The following CAST variants were observed in gnomAD, a reference collection of about 807,000 sequenced individuals.
CAST encodes the protein MIR583 host.
In CAST, 76 loss-of-function variants were observed where a neutral mutation model predicts 119.6. The ratio of observed to expected loss-of-function variants is 0.64; its 90% CI spans 0.53 to 0.77. CAST has a LOEUF of 0.77. Ranked by LOEUF, CAST falls within the 30% of genes least tolerant of loss-of-function variation. CAST has a pLI of 0.00. For synonymous variants in CAST, 319 were observed against 331.6 expected (o/e 0.96, Z 0.41); for missense variants, 953 against 946.5 (o/e 1.01, Z -0.09).
At chr5:96,181,754 C>T in the CAST span, among the ~76,000 whole-genome samples, 22,780 of 152,092 alleles carry the variant, frequency 0.15, 2,137 homozygotes, top group East Asian at 0.31. Context: ...TTTAAGTGTA[C>T]TTTATATACA....
intron 2 of CAST, among the ~76,000 whole-genome samples, chr5:96,677,762 T>C (rs1428478586): frequency 6.6e-6 from 1 of 152,194 alleles, no homozygotes; most frequent in East Asian, 1.9e-4. Context: ...ATCATGGCTT[T>C]AGACAAAATA....
Position 96,726,841 on chromosome 5 carries a change from GA to G in CAST, c.324del (p.Lys108AsnfsTer7). ...QMEGPHLPNK[K>X]KHKKQAVKTE... Reference sequence around the variant, plus strand: ...TGGAAGGACCACATCTTCCTAACAAGAAAAAACACAAAAAACAGGTGATGTT... The same window carrying G: ...TGGAAGGACCACATCTTCCTAACAAGAAAAACACAAAAAACAGGTGATGTT... On this transcript the variant is annotated frameshift_variant, in exon 5 of 32. Transcript: ENST00000675179. LOFTEE classifies it high-confidence loss of function. The G allele has an allele frequency of 6.2e-7, 1 of 1,613,038 alleles. No individual in the cohort carries two copies. The highest frequency in any genetic ancestry group is 8.5e-7 in the Non-Finnish European group (1 of 1,179,362).
the CAST span, among the ~76,000 whole-genome samples, chr5:96,386,771 C>A: frequency 7.2e-5 from 11 of 152,186 alleles, no homozygotes; most frequent in Non-Finnish European, 1.5e-5. Context: ...TTGAGACCAG[C>A]CTGGCCAACA....
chr5:96,205,869 T>G, the CAST span, among the ~76,000 whole-genome samples: 1 of 152,066 alleles, frequency 6.6e-6, no homozygotes, highest in South Asian at 2.1e-4. Context: ...AAATGGTAGC[T>G]CTATTTTTAA....
the CAST span, among the ~76,000 whole-genome samples, chr5:96,186,978 C>T: frequency 6.6e-6 from 1 of 152,114 alleles, no homozygotes; most frequent in East Asian, 1.9e-4. Flanking sequence ...CCTTCTGGTC[C>T]TGGGCTTCGT....
chr5:96,625,916 A>T (rs1747711160), intron 1 of CAST, among the ~76,000 whole-genome samples: 1 of 151,242 alleles, frequency 6.6e-6, no homozygotes, highest in African/African-American at 2.4e-5. Context: ...CTCCTCCTGG[A>T]CTCCCCATCA....
chr5:96,163,872 G>A, the CAST span, among the ~76,000 whole-genome samples: 47,569 of 152,080 alleles, frequency 0.31, 7,684 homozygotes, highest in Middle Eastern at 0.39. Flanking sequence ...CACTATGTAG[G>A]GTCACTGCCA....
the CAST span, among the ~76,000 whole-genome samples, chr5:96,142,269 AAGC>A: frequency 6.6e-6 from 1 of 152,062 alleles, no homozygotes; most frequent in Non-Finnish European, 1.5e-5. Flanking sequence ...AAAATTAGTC[AAGC>A]ATGGTGGCGT....
At chr5:96,250,826 C>T in the CAST span, among the ~76,000 whole-genome samples, 1 of 152,122 alleles carries the variant, frequency 6.6e-6, no homozygotes, top group Non-Finnish European at 1.5e-5. Context: ...ACATCTGTCT[C>T]TGGAAAGTTG....
At chr5:96,440,531 T>A in the CAST span, among the ~76,000 whole-genome samples, 2 of 152,054 alleles carry the variant, frequency 1.3e-5, no homozygotes, top group Non-Finnish European at 2.9e-5. Flanking sequence ...AAAAGTTTTT[T>A]CTAAGCCCAT....
Position 96,774,489 on chromosome 5 carries a change from G to A in CAST, c.*1873G>A. 1.0e-6 allele frequency: 1 copy of A among 986,002 alleles called. No individual in the cohort carries two copies. Among genetic ancestry groups the A allele is most frequent in the Non-Finnish European group, 1.2e-6 (1 of 829,104 alleles). 61.1% of individuals were successfully genotyped at this position (986,002 alleles called of 1,614,324 possible). On this transcript the variant is annotated 3_prime_UTR_variant, in exon 32 of 32. Coordinates refer to ENST00000675179, the MANE Select transcript of CAST (RefSeq NM_001750.7). ...AAATAATTGCAAATATCCACTTAGA[G>A]GCAAAGAACAATTTTTTATTATCAA...
At chr5:96,025,478 A>T in the CAST span, among the ~76,000 whole-genome samples, 1 of 151,914 alleles carries the variant, frequency 6.6e-6, no homozygotes, top group Non-Finnish European at 1.5e-5. Context: ...TTTGGGGGGG[A>T]CACAACAATC....
chr5:96,003,835 A>G, the CAST span, among the ~76,000 whole-genome samples: 5 of 152,338 alleles, frequency 3.3e-5, no homozygotes, highest in African/African-American at 7.2e-5. Context: ...AACATTTTCA[A>G]TTCTCAGATC....
At chr5:96,574,027 T>TAA (rs1561420492) in intron 1 of CAST, among the ~76,000 whole-genome samples, 1 of 5,668 alleles carries the variant, frequency 1.8e-4, no homozygotes, top group Non-Finnish European at 2.5e-4. Context: ...GCCCACTTTC[T>TAA]TTTTTTTTTT....
chr5:95,994,797 A>G, the CAST span, among the ~76,000 whole-genome samples: 2 of 152,250 alleles, frequency 1.3e-5, no homozygotes, highest in Middle Eastern at 3.4e-3. Flanking sequence ...TGATACAAAA[A>G]TGAAAACTGC....
the CAST span, among the ~76,000 whole-genome samples, chr5:96,312,471 C>G: frequency 1.3e-5 from 2 of 152,060 alleles, no homozygotes; most frequent in Non-Finnish European, 2.9e-5. Context: ...ACTCCCCTGT[C>G]TATTTAGGGA....
chr5:96,188,483 T>G, the CAST span, among the ~76,000 whole-genome samples: 1 of 152,150 alleles, frequency 6.6e-6, no homozygotes, highest in Non-Finnish European at 1.5e-5. Context: ...TGATATTATG[T>G]TATTAATTTT....
chr5:96,045,994 T>A, the CAST span, among the ~76,000 whole-genome samples: 1 of 152,082 alleles, frequency 6.6e-6, no homozygotes, highest in African/African-American at 2.4e-5. Context: ...AAGAGACATT[T>A]AAACAAATAC....
the CAST span, among the ~76,000 whole-genome samples, chr5:96,034,845 A>G: frequency 2.7e-3 from 402 of 151,090 alleles, 2 homozygotes; most frequent in Non-Finnish European, 3.1e-3. Flanking sequence ...TAGTTTTCAC[A>G]TATAACTGAG....
Sources: allele counts gnomAD v4.1 joint callset (sites outside exome capture counted in the v4.1 genomes callset), GRCh38; gene constraint gnomAD v4.1.1; transcripts MANE v1.5; gene names NCBI Gene and HGNC (gene_info 2026-07-23, HGNC 2026-07-21).